VWA3B: variants seen among roughly 807,000 people sequenced by gnomAD.
The protein encoded by VWA3B is von Willebrand factor A domain containing 3B.
A neutral mutation model predicts 158.3 loss-of-function variants in VWA3B; 138 were observed. That is an observed-to-expected ratio of 0.87 (90% CI 0.76 to 1.00). The LOEUF (loss-of-function observed/expected upper bound fraction) is 1.00, where lower values mean the gene tolerates loss of function less well. VWA3B is among the 50% of genes least tolerant of loss of function. The probability of loss-of-function intolerance (pLI) is 0.00; values close to 1 mark genes in which losing one functional copy is unlikely to be tolerated. For missense variants in VWA3B, 1,555 were observed against 1,565.1 expected (o/e 0.99, Z 0.11); for synonymous variants, 596 against 587.3 (o/e 1.01, Z -0.21).
intron 7 of VWA3B, among the ~76,000 whole-genome samples, chr2:98,147,953 T>C (rs1207328942): frequency 6.7e-6 from 1 of 148,640 alleles, no homozygotes; most frequent in Non-Finnish European, 1.5e-5. Flanking sequence ...AGTGAGAACA[T>C]GCGGTGTTTG....
At chr2:98,179,685 TTCTC>T (rs1192336628) in intron 8 of VWA3B, among the ~76,000 whole-genome samples, 1 of 152,040 alleles carries the variant, frequency 6.6e-6, no homozygotes, top group Admixed American at 6.5e-5. Flanking sequence ...CTTTCTTTCT[TTCTC>T]TTCCTTTCTT....
chr2:98,106,195 G>A (rs999324608), intron 2 of VWA3B, among the ~76,000 whole-genome samples: 8 of 152,234 alleles, frequency 5.3e-5, no homozygotes, highest in African/African-American at 1.9e-4. Context: ...GATTACAGGT[G>A]TGAGCCACTG....
At chr2:98,092,359 T>G (rs561042443) in intron 1 of VWA3B, among the ~76,000 whole-genome samples, 1 of 152,316 alleles carries the variant, frequency 6.6e-6, no homozygotes, top group African/African-American at 2.4e-5. Context: ...TAAAAGTAAA[T>G]TCCAGCTGGG....
the VWA3B span, among the ~76,000 whole-genome samples, chr2:98,329,344 TTAAAATTCGAAACTTC>T: frequency 5.9e-5 from 9 of 152,148 alleles, no homozygotes; most frequent in African/African-American, 2.2e-4. Flanking sequence ...TTTGTCTCCA[TTAAAATTCGAAACTTC>T]TACTCAAAAA....
chr2:98,130,496 G>A (rs546453885), intron 6 of VWA3B, among the ~76,000 whole-genome samples: 4 of 151,402 alleles, frequency 2.6e-5, no homozygotes, highest in South Asian at 2.1e-4. Flanking sequence ...GGGAGAAACC[G>A]TGGACAATAC....
rs377034510 is a variant in VWA3B at position 98,181,842 on chromosome 2, T to C, written c.1311+630T>C. Among the ~76,000 whole-genome samples the C allele has an allele frequency of 3.5e-4, 53 of 152,334 alleles. No homozygotes were observed. In the East Asian group the frequency reaches 5.8e-3, roughly 17 times the overall value. Reference sequence around the variant, plus strand: ...CATATGAGTCAGTAGGTCCGAAATGTGGCTCAAGAATTTGCATCCATAACA... The same window carrying C: ...CATATGAGTCAGTAGGTCCGAAATGCGGCTCAAGAATTTGCATCCATAACA... On this transcript the variant is annotated intron_variant, in intron 9 of 27. Transcript: ENST00000477737.
At chr2:98,143,798 T>A (rs1676967812) in intron 7 of VWA3B, among the ~76,000 whole-genome samples, 2 of 150,160 alleles carry the variant, frequency 1.3e-5, no homozygotes. Flanking sequence ...TCACCCAGAC[T>A]GGAGTGCAGT....
intron 14 of VWA3B, among the ~76,000 whole-genome samples, chr2:98,224,290 A>G (rs1007341038): frequency 9.9e-5 from 15 of 152,194 alleles, no homozygotes; most frequent in South Asian, 4.1e-4. Flanking sequence ...GAGCAGAAAT[A>G]TGGGGAGATA....
intron 18 of VWA3B, 46 bp downstream of exon 18, chr2:98,236,523 G>T: frequency 3.7e-6 from 6 of 1,613,852 alleles, no homozygotes; most frequent in Non-Finnish European, 5.1e-6. Flanking sequence ...TGCTTCTGTT[G>T]GTTAACCATC....
intron 22 of VWA3B, 40 bp downstream of exon 22, chr2:98,270,923 C>T: frequency 1.1e-5 from 17 of 1,593,958 alleles, no homozygotes; most frequent in Non-Finnish European, 1.5e-5. Context: ...TCCCTCTCTG[C>T]CTATCCCAAG....
At chr2:98,204,838 G>A (rs1486616069) in intron 12 of VWA3B, among the ~76,000 whole-genome samples, 5 of 152,150 alleles carry the variant, frequency 3.3e-5, no homozygotes, top group Non-Finnish European at 2.9e-5. Flanking sequence ...GGCCAGGCAC[G>A]GTAGGTCACA....
At chr2:98,094,468 T>C (rs1682578111) in intron 2 of VWA3B, among the ~76,000 whole-genome samples, 1 of 152,196 alleles carries the variant, frequency 6.6e-6, no homozygotes, top group African/African-American at 2.4e-5. Context: ...TTTTGTCCAT[T>C]TAAAAACCAG....
chr2:98,165,834 C>T (rs1436967637), intron 8 of VWA3B, among the ~76,000 whole-genome samples: 1 of 152,074 alleles, frequency 6.6e-6, no homozygotes, highest in Non-Finnish European at 1.5e-5. Flanking sequence ...CTCGAAAACC[C>T]AGATGGTCCC....
chr2:98,326,748 C>A, the VWA3B span, among the ~76,000 whole-genome samples: 2,478 of 151,882 alleles, frequency 0.016, 45 homozygotes, highest in Non-Finnish European at 0.028. Context: ...CAGAGTGAGA[C>A]CCTATCTCAA....
At position 98,300,105 on chromosome 2, in the gene VWA3B, T is replaced by G. The variant is rs6731704; in HGVS notation, c.3309T>G (p.Ile1103Met). The G allele has an allele frequency of 3.1e-3, 4,952 of 1,614,240 alleles. 13 individuals carry two copies. Among genetic ancestry groups the G allele is most frequent in the Non-Finnish European group, 3.9e-3 (4,611 of 1,180,040 alleles). The change falls in exon 25 of 28, where the codon ATT becomes ATG. Residue 1103 changes from isoleucine (I) to methionine (M), a missense_variant. Transcript: ENST00000477737. ...LQVGDYVFAK[I>M]VIPKGFDFYV... ...TTGGAGATTATGTGTTTGCCAAAAT[T>G]GTGATACCCAAAGGATTTGACTTCT... is the stretch of plus-strand genomic sequence containing the variant.
intron 20 of VWA3B, among the ~76,000 whole-genome samples, chr2:98,253,702 T>G (rs568162937): frequency 6.6e-6 from 1 of 152,234 alleles, no homozygotes; most frequent in African/African-American, 2.4e-5. Context: ...CAAGTTGCTT[T>G]GCAAATGAGT....
chr2:98,113,308 T>C (rs1022280751), intron 2 of VWA3B, among the ~76,000 whole-genome samples: 3 of 152,128 alleles, frequency 2.0e-5, no homozygotes, highest in African/African-American at 7.2e-5. Flanking sequence ...GGACCCCCTG[T>C]GTATACCAAA....
intron 7 of VWA3B, among the ~76,000 whole-genome samples, chr2:98,155,862 A>G (rs935147913): frequency 2.0e-5 from 3 of 152,124 alleles, no homozygotes; most frequent in African/African-American, 4.8e-5. Flanking sequence ...CAGGCATGAG[A>G]ATATTGCTCC....
At chr2:98,237,529 C>T (rs1194833630) in intron 19 of VWA3B, among the ~76,000 whole-genome samples, 2 of 151,950 alleles carry the variant, frequency 1.3e-5, no homozygotes, top group Non-Finnish European at 2.9e-5. Flanking sequence ...AATGGGAGGG[C>T]GTGGTAGGGT....
Sources: allele counts gnomAD v4.1 joint callset (sites outside exome capture counted in the v4.1 genomes callset), GRCh38; gene constraint gnomAD v4.1.1; transcripts MANE v1.5; gene names NCBI Gene and HGNC (gene_info 2026-07-23, HGNC 2026-07-21).